The following CDC42BPA variants were observed in gnomAD, a reference collection of about 807,000 sequenced individuals.
CDC42BPA encodes the protein serine/threonine-protein kinase MRCK alpha.
CDC42BPA carries 80 observed loss-of-function variants against 223.5 expected under a neutral mutation model. That is an observed-to-expected ratio of 0.36 (90% CI 0.30 to 0.43). The LOEUF (loss-of-function observed/expected upper bound fraction) is 0.43. Ranked by LOEUF, CDC42BPA falls within the 20% of genes least tolerant of loss-of-function variation. The pLI is 1.00. For missense variants in CDC42BPA, 1,743 were observed against 2,099.9 expected, an observed-to-expected ratio of 0.83 and a Z score of 3.32; for synonymous variants, 694 against 718.6, an observed-to-expected ratio of 0.97 and a Z score of 0.55.
intron 1 of CDC42BPA, among the ~76,000 whole-genome samples, chr1:227,288,767 G>A (rs1689211050): frequency 6.6e-6 from 1 of 152,074 alleles, no homozygotes; most frequent in African/African-American, 2.4e-5. Flanking sequence ...GGCTGAGGCG[G>A]GCAGATCACC....
At chr1:227,045,354 G>C (rs1672226978) in intron 23 of CDC42BPA, among the ~76,000 whole-genome samples, 2 of 152,120 alleles carry the variant, frequency 1.3e-5, no homozygotes, top group African/African-American at 4.8e-5. Flanking sequence ...TCCTGAATAT[G>C]TGGATGTGAT....
chr1:227,233,099 T>C lies in CDC42BPA; in HGVS notation c.271-19880A>G, dbSNP rs78106821. Among the ~76,000 whole-genome samples, 1,772 of 152,314 alleles carry C rather than the reference T, an allele frequency of 0.012. 84 individuals carry two copies. In the East Asian group the frequency reaches 0.14, roughly 12 times the overall value. Reference sequence around the variant, plus strand: ...ATGTCCTGGTGTGCCATGTGCTCAGTTGGAAATGCAGAAATCACCTGTCTT... The same window carrying C: ...ATGTCCTGGTGTGCCATGTGCTCAGCTGGAAATGCAGAAATCACCTGTCTT... On this transcript the variant is annotated intron_variant, in intron 2 of 36. Coordinates refer to ENST00000366766, the MANE Select transcript of CDC42BPA (RefSeq NM_001394014.1).
intron 1 of CDC42BPA, 22 bp downstream of exon 1, chr1:227,316,983 T>C: frequency 6.3e-7 from 1 of 1,575,448 alleles, no homozygotes; most frequent in African/African-American, 1.3e-5. Flanking sequence ...ATTAACAGTT[T>C]CTTTAAAAAT....
At chr1:227,236,018 C>T (rs76556200) in intron 2 of CDC42BPA, among the ~76,000 whole-genome samples, 4,007 of 152,198 alleles carry the variant, frequency 0.026, 194 homozygotes, top group African/African-American at 0.092. Flanking sequence ...CTGAGTCTTC[C>T]TGTGTTGTAT....
chr1:227,139,510 T>C lies in CDC42BPA; in HGVS notation c.1390+66A>G, dbSNP rs565387306. 90 of 1,078,100 alleles carry C rather than the reference T, an allele frequency of 8.3e-5. No homozygotes were observed. In the East Asian group the frequency reaches 1.8e-3, roughly 22 times the overall value. The allele number at this position is 1,078,100 out of a possible 1,614,324, so 66.8% of individuals were successfully genotyped here. On this transcript the variant is annotated intron_variant, in intron 10 of 36. Coordinates refer to ENST00000366766, the MANE Select transcript of CDC42BPA (RefSeq NM_001394014.1). ...TTTTCAAAGATAAAACAACCACTTA[T>C]AATAAACAGCTCATAACACTGTGAG...
At chr1:227,003,087 C>G (rs1298394266) in intron 35 of CDC42BPA, among the ~76,000 whole-genome samples, 1 of 152,008 alleles carries the variant, frequency 6.6e-6, no homozygotes, top group African/African-American at 2.4e-5. Flanking sequence ...AAAAAAAATA[C>G]CTGGGCACAA....
At chr1:227,149,298 A>T (rs1258379482) in intron 6 of CDC42BPA, among the ~76,000 whole-genome samples, 1 of 152,224 alleles carries the variant, frequency 6.6e-6, no homozygotes, top group East Asian at 1.9e-4. Context: ...TCCCAAGCCA[A>T]GAAACCGGCA....
At chr1:227,283,224 C>G (rs961533000) in intron 1 of CDC42BPA, among the ~76,000 whole-genome samples, 3 of 151,992 alleles carry the variant, frequency 2.0e-5, no homozygotes, top group Non-Finnish European at 4.4e-5. Context: ...CTCATTTGTA[C>G]TTTTTGTACA....
intron 15 of CDC42BPA, among the ~76,000 whole-genome samples, chr1:227,094,632 G>A (rs1055288516): frequency 1.3e-5 from 2 of 152,178 alleles, no homozygotes; most frequent in Admixed American, 6.5e-5. Context: ...CTTCAGGTCA[G>A]AAGGGTGTTA....
chr1:227,236,229 C>T (rs1254633134), intron 2 of CDC42BPA, among the ~76,000 whole-genome samples: 1 of 152,166 alleles, frequency 6.6e-6, no homozygotes, highest in Non-Finnish European at 1.5e-5. Context: ...GACTGAATGA[C>T]AGACTGACCT....
chr1:227,261,124 C>CTTTTTTTTTTT lies in CDC42BPA; in HGVS notation c.179-6970_179-6969insAAAAAAAAAAA, dbSNP rs386369874. Among the ~76,000 whole-genome samples, 435 of 120,936 alleles carry CTTTTTTTTTTT rather than the reference C, an allele frequency of 3.6e-3. 32 individuals carry two copies. The highest frequency in any genetic ancestry group is 0.012 in the African/African-American group (380 of 31,348). The allele number at this position is 120,936 out of a possible 152,430, so 79.3% of individuals were successfully genotyped here. ...TTTTTAACAGAATAATTGAGTTTTTCTTTTTTTTTGAGACAGAGTCTCGCT... is the reference window on the plus strand; with the variant it reads ...TTTTTAACAGAATAATTGAGTTTTTCTTTTTTTTTTTTTTTTTTTTGAGACAGAGTCTCGCT... On this transcript the variant is annotated intron_variant, in intron 1 of 36. Coordinates refer to ENST00000366766, the MANE Select transcript of CDC42BPA (RefSeq NM_001394014.1).
At chr1:227,246,539 T>C (rs1681001661) in intron 2 of CDC42BPA, among the ~76,000 whole-genome samples, 1 of 151,832 alleles carries the variant, frequency 6.6e-6, no homozygotes, top group African/African-American at 2.4e-5. Context: ...AAAGACCCAA[T>C]ATGTTTGGAA....
chr1:227,308,495 G>A (rs1051868358), intron 1 of CDC42BPA, among the ~76,000 whole-genome samples: 3 of 132,450 alleles, frequency 2.3e-5, no homozygotes, highest in Non-Finnish European at 3.2e-5. Flanking sequence ...GGGCAACACA[G>A]TGAGACTGTA....
rs1158919272 is a variant in CDC42BPA at position 227,205,268 on chromosome 1, CAAA to C, written c.355-5619_355-5617del. ...TAGGCAACAGAGTGAGACTCTGTCT[CAAA>C]AAAAAAAAAAAAATATATATATATA... On this transcript the variant is annotated intron_variant, in intron 3 of 36. Transcript: ENST00000366766. Among the ~76,000 whole-genome samples the C allele has an allele frequency of 5.0e-3, 547 of 110,148 alleles. 3 individuals are homozygous for C. Among genetic ancestry groups the C allele is most frequent in the East Asian group, 0.022 (92 of 4,194 alleles). 72.3% of individuals were successfully genotyped at this position (110,148 alleles called of 152,430 possible).
intron 19 of CDC42BPA, among the ~76,000 whole-genome samples, chr1:227,073,534 A>G (rs1678861298): frequency 6.6e-6 from 1 of 152,148 alleles, no homozygotes; most frequent in Non-Finnish European, 1.5e-5. Flanking sequence ...TTGTATTATT[A>G]TACAAATATA....
intron 31 of CDC42BPA, 53 bp downstream of exon 31, chr1:227,026,002 A>T: frequency 1.1e-6 from 1 of 922,140 alleles, no homozygotes; most frequent in Non-Finnish European, 1.7e-6. Context: ...GTAGTAATTT[A>T]GTGTTTTCAC....
chr1:227,163,992 C>G (rs6426572), intron 5 of CDC42BPA, among the ~76,000 whole-genome samples: 137,267 of 152,152 alleles, frequency 0.9, 62,361 homozygotes, highest in Middle Eastern at 0.96. Context: ...ATACCACATA[C>G]GTCATAAATT....
At chr1:227,283,971 T>C (rs1185832291) in intron 1 of CDC42BPA, among the ~76,000 whole-genome samples, 1 of 152,142 alleles carries the variant, frequency 6.6e-6, no homozygotes, top group African/African-American at 2.4e-5. Flanking sequence ...GCACAAGAAC[T>C]GCTTGAACCC....
chr1:227,100,777 T>TGTGTGC (rs777124731), intron 15 of CDC42BPA, among the ~76,000 whole-genome samples: 3 of 128,510 alleles, frequency 2.3e-5, no homozygotes, highest in African/African-American at 8.6e-5. Context: ...TGTGTGTGTG[T>TGTGTGC]GCGTGTGCCA....
Sources: gnomAD v4.1 joint callset for allele counts (sites outside exome capture counted in the v4.1 genomes callset) on GRCh38, gnomAD v4.1.1 for gene constraint, MANE v1.5 for transcripts, NCBI Gene and HGNC (gene_info 2026-07-23, HGNC 2026-07-21) for gene names.